The following GFPT2 variants were observed in gnomAD, a reference collection of about 807,000 sequenced individuals.
GFPT2 encodes the protein glutamine--fructose-6-phosphate transaminase 2, also known as glutamine--fructose-6-phosphate aminotransferase [isomerizing] 2.
GFPT2 carries 62 observed loss-of-function variants against 85.6 expected under a neutral mutation model. The ratio of observed to expected loss-of-function variants is 0.72; its 90% CI spans 0.59 to 0.90. The LOEUF is 0.90. GFPT2 is among the 40% of genes least tolerant of loss of function. GFPT2 has a pLI of 0.00. For missense variants in GFPT2, 788 were observed against 893.4 expected (o/e 0.88, Z 1.50); for synonymous variants, 368 against 344.5 (o/e 1.07, Z -0.75).
At chr5:180,319,452 ATCTG>A (rs1764077634) in intron 9 of GFPT2, among the ~76,000 whole-genome samples, 1 of 152,156 alleles carries the variant, frequency 6.6e-6, no homozygotes, top group Non-Finnish European at 1.5e-5. Flanking sequence ...TTTCTAAACA[ATCTG>A]TCTTTCAGAA....
In GFPT2 at chr5:180,330,860, G is replaced by A. The variant is rs763677114; in HGVS notation, c.400-26C>T. The A allele has an allele frequency of 3.1e-6, 5 of 1,611,308 alleles. No homozygotes were observed. The African/African-American group carries it at 4.0e-5, about 13-fold the overall frequency. ...CTGGAATATGCAGTCGGCACAGTGT[G>A]AGAGATTGGTCATTGCACAATGCCT... On this transcript the variant is annotated intron_variant, in intron 5 of 18. Transcript: ENST00000253778. This position sits in a 1 kb window ranked among gnomAD's most constrained non-coding sequence, Gnocchi z 4.4.
Position 180,303,102 on chromosome 5 carries a change from G to T in GFPT2, c.1843-518C>A, listed in dbSNP as rs2892151. ...AAAATTAGCCGGGTGTGGTGGCGGG[G>T]GCCTGTAGTCCCAGCTACTGGGGAG... is the stretch of plus-strand genomic sequence containing the variant. On this transcript the variant is annotated intron_variant, in intron 17 of 18. Transcript: ENST00000253778. Among the ~76,000 whole-genome samples the T allele has an allele frequency of 4.5e-5, 5 of 110,966 alleles. 1 individual carries two copies. The highest frequency in any genetic ancestry group is 8.5e-5 in the Admixed American group (1 of 11,782). The allele number at this position is 110,966 out of a possible 152,430, so 72.8% of individuals were successfully genotyped here. A position where few individuals can be genotyped will look rare whatever the true frequency, so the allele number is the denominator to read the frequency against.
At position 180,316,431 on chromosome 5, in the gene GFPT2, G is replaced by T; in HGVS notation, c.1183C>A (p.Leu395Ile). ...TRQVLEELTE[L>I]PVMVELASDF... ...CTAGCAAGTTCAACCATCACAGGAA[G>T]CTCAGTCAGTTCCTCCAAAACTTGC... is the stretch of plus-strand genomic sequence containing the variant. Residue 395 changes from leucine to isoleucine, a missense_variant, in exon 13 of 19, where the codon CTT becomes ATT. Transcript: ENST00000253778. 1 of 1,613,912 alleles carries T rather than the reference G, an allele frequency of 6.2e-7. No individual in the cohort carries two copies. The highest frequency in any genetic ancestry group is 1.7e-5 in the Admixed American group (1 of 60,016).
intron 13 of GFPT2, 50 bp from the exon 14 acceptor site, chr5:180,314,014 A>G: frequency 6.6e-7 from 1 of 1,507,650 alleles, no homozygotes; most frequent in Non-Finnish European, 8.9e-7. Flanking sequence ...CCTCGGCCCC[A>G]CCCCAAACCC....
At chr5:180,317,174 G>A (rs1192404798) in intron 10 of GFPT2, 116 bp from the exon 11 acceptor site, 2 of 750,674 alleles carry the variant, frequency 2.7e-6, no homozygotes, top group East Asian at 2.6e-5. Flanking sequence ...GGCATCCCCA[G>A]GGATTACCCT....
rs1341372233 is a variant in GFPT2, at chr5:180,313,883, C to T, written c.1355G>A (p.Gly452Asp). 2 of 1,606,588 alleles carry T rather than the reference C, an allele frequency of 1.2e-6. No individual in the cohort carries two copies. Among genetic ancestry groups the T allele is most frequent in the Admixed American group, 1.7e-5 (1 of 59,866 alleles). ...GTCGGTCTCGCGAGAGATGGAGCTG[C>T]CCACGGTGTTGGTGACGCCCACGGT... The part of the protein sequence containing the change: ...ALTVGVTNTV[G>D]SSISRETDCG... Residue 452 changes from glycine (G) to aspartate (D), a missense_variant, in exon 14 of 19, where the codon GGC (glycine) becomes GAC (aspartate). Physicochemically the swap from Gly to Asp is moderately conservative, Grantham distance 94. Coordinates refer to ENST00000253778, the MANE Select transcript of GFPT2 (RefSeq NM_005110.4).
rs1764696587 is a variant in GFPT2 at position 180,350,733 on chromosome 5, T to TAAAACCAAAGTATTTATTTA, written c.7+2477_7+2478insTAAATAAATACTTTGGTTTT. ...AGATGTCAATAAAACCAAAGTGTCA[T>TAAAACCAAAGTATTTATTTA]TTCAGCTAAATTCTCAGTGCACTGA... On this transcript the variant is annotated intron_variant, in intron 1 of 18. Coordinates refer to ENST00000253778, the MANE Select transcript of GFPT2 (RefSeq NM_005110.4). Among the ~76,000 whole-genome samples, 62 of 152,364 alleles carry TAAAACCAAAGTATTTATTTA rather than the reference T, an allele frequency of 4.1e-4. No homozygotes were observed. In the South Asian group the frequency reaches 0.013, roughly 31 times the overall value.
At position 180,342,407 on chromosome 5, in the gene GFPT2, G is replaced by GTTT. The variant is rs757456841; in HGVS notation, c.8-3810_8-3808dup. ...ATCACCATTCATGTTTAGGTGAAAT[G>GTTT]TTTTTTTTTTTTTTTTTTTTGAGAC... On this transcript the variant is annotated intron_variant, in intron 1 of 18. Coordinates refer to ENST00000253778, the MANE Select transcript of GFPT2 (RefSeq NM_005110.4). Among the ~76,000 whole-genome samples the GTTT allele has an allele frequency of 2.2e-3, 245 of 109,264 alleles. 1 individual carries two copies. The highest frequency in any genetic ancestry group is 2.9e-3 in the African/African-American group (81 of 27,868). 71.7% of individuals were successfully genotyped at this position (109,264 alleles called of 152,430 possible).
intron 1 of GFPT2, among the ~76,000 whole-genome samples, chr5:180,340,354 G>C (rs1481781477): frequency 6.8e-6 from 1 of 147,716 alleles, no homozygotes; most frequent in African/African-American, 2.5e-5. Context: ...TTACAGGCAT[G>C]TGCCACCACA....
intron 4 of GFPT2, among the ~76,000 whole-genome samples, chr5:180,334,509 C>T (rs892295387): frequency 6.6e-6 from 1 of 152,214 alleles, no homozygotes; most frequent in Non-Finnish European, 1.5e-5. Context: ...AAGGATTAAC[C>T]GCAGTGGGAC....
chr5:180,340,852 G>C (rs929468760), intron 1 of GFPT2, among the ~76,000 whole-genome samples: 3 of 152,124 alleles, frequency 2.0e-5, no homozygotes, highest in Non-Finnish European at 4.4e-5. Flanking sequence ...CCATTCGTGA[G>C]GCCCATGTCC....
intron 1 of GFPT2, among the ~76,000 whole-genome samples, chr5:180,350,072 G>A (rs918758582): frequency 2.6e-5 from 4 of 152,058 alleles, no homozygotes; most frequent in Non-Finnish European, 4.4e-5. Context: ...TGCAGGGCCC[G>A]TGCTCGTGTC....
chr5:180,348,009 C>T (rs1209952181), intron 1 of GFPT2, among the ~76,000 whole-genome samples: 1 of 152,104 alleles, frequency 6.6e-6, no homozygotes, highest in Non-Finnish European at 1.5e-5. Context: ...AGGGAGAGGC[C>T]CAGCCAGTGC....
chr5:180,346,733 T>C (rs556660215), intron 1 of GFPT2, among the ~76,000 whole-genome samples: 1 of 152,270 alleles, frequency 6.6e-6, no homozygotes, highest in South Asian at 2.1e-4. Flanking sequence ...CAGATGAAGA[T>C]CTTTTCCCTC....
At chr5:180,304,687 C>T in intron 17 of GFPT2, 85 bp downstream of exon 17, 1 of 1,239,562 alleles carries the variant, frequency 8.1e-7, no homozygotes, top group Non-Finnish European at 1.2e-6. Flanking sequence ...GACCATCCAT[C>T]ACTGGTACTG....
chr5:180,315,010 G>A (rs964796297), intron 13 of GFPT2, among the ~76,000 whole-genome samples: 4 of 152,178 alleles, frequency 2.6e-5, no homozygotes, highest in Non-Finnish European at 5.9e-5. Context: ...ATAAGGTGGT[G>A]GGCCGGATGG....
intron 13 of GFPT2, among the ~76,000 whole-genome samples, chr5:180,314,414 C>G (rs1763962299): frequency 6.6e-6 from 1 of 152,144 alleles, no homozygotes; most frequent in Non-Finnish European, 1.5e-5. Flanking sequence ...CAGCTAGATC[C>G]TGTTTGAAAG....
chr5:180,310,971 A>C (rs1171785899), intron 15 of GFPT2, among the ~76,000 whole-genome samples: 1 of 152,152 alleles, frequency 6.6e-6, no homozygotes, highest in Non-Finnish European at 1.5e-5. Flanking sequence ...CTTAGACGTC[A>C]GAATTGGGTC....
intron 1 of GFPT2, chr5:180,352,682 G>A (rs1434384540): frequency 2.3e-6 from 1 of 435,052 alleles, no homozygotes; most frequent in African/African-American, 2.1e-5. Flanking sequence ...GGACGCGCAG[G>A]CCCTGCCTGA....
Sources: gnomAD v4.1 joint callset for allele counts (sites outside exome capture counted in the v4.1 genomes callset) on GRCh38, gnomAD v4.1.1 for gene constraint, Gnocchi (gnomAD v3.1) non-coding constraint, MANE v1.5 for transcripts, NCBI Gene and HGNC (gene_info 2026-07-23, HGNC 2026-07-21) for gene names.